Variants in ANKRD17 observed in about 807,000 individuals in gnomAD.
ANKRD17 encodes the protein ankyrin repeat domain 17.
Under a neutral mutation model 229.7 loss-of-function variants are expected in ANKRD17, and 19 were observed. That is an observed-to-expected ratio of 0.08 (90% CI 0.06 to 0.12). The LOEUF (loss-of-function observed/expected upper bound fraction) is 0.12. Among genes scored for constraint, ANKRD17 ranks in the 10% least tolerant of loss-of-function variants. The probability of loss-of-function intolerance (pLI) is 1.00; values close to 1 mark genes in which losing one functional copy is unlikely to be tolerated. For missense variants in ANKRD17, 2,176 were observed against 3,176.8 expected, an observed-to-expected ratio of 0.68 and a Z score of 7.57; for synonymous variants, 1,112 against 1,146.1, an observed-to-expected ratio of 0.97 and a Z score of 0.60.
chr4:73,191,755 A>T (rs1737138654), intron 1 of ANKRD17, among the ~76,000 whole-genome samples: 1 of 152,020 alleles, frequency 6.6e-6, no homozygotes, highest in Non-Finnish European at 1.5e-5. Flanking sequence ...TTTCACTGGG[A>T]ATCAGGCAAT....
chr4:73,079,033 A>T, intron 30 of ANKRD17, 143 bp from the exon 31 acceptor site: 1 of 1,060,084 alleles, frequency 9.4e-7, no homozygotes, highest in East Asian at 2.7e-5. Flanking sequence ...AAAATGATGC[A>T]TATTAAAATT....
intron 1 of ANKRD17, among the ~76,000 whole-genome samples, chr4:73,251,989 A>C (rs1334495765): frequency 1.3e-5 from 2 of 152,236 alleles, no homozygotes; most frequent in Non-Finnish European, 2.9e-5. Context: ...ATAATGGTTC[A>C]ATTAAAACAT....
intron 1 of ANKRD17, among the ~76,000 whole-genome samples, chr4:73,252,939 C>T (rs573808550): frequency 2.6e-5 from 4 of 152,076 alleles, no homozygotes; most frequent in South Asian, 4.2e-4. Context: ...CTTCAATGGC[C>T]GTCCAACTGC....
intron 24 of ANKRD17, among the ~76,000 whole-genome samples, chr4:73,111,262 G>C (rs12507846): frequency 0.36 from 54,167 of 152,032 alleles, 10,213 homozygotes; most frequent in South Asian, 0.46. Flanking sequence ...CAATATGCCA[G>C]TAACACTACT....
chr4:73,183,056 A>C (rs1195063631), intron 1 of ANKRD17, among the ~76,000 whole-genome samples: 1 of 152,218 alleles, frequency 6.6e-6, no homozygotes, highest in Non-Finnish European at 1.5e-5. Context: ...GAAAGTCTAA[A>C]ATGTGGAACA....
chr4:73,131,249 G>C (rs1022423431), intron 16 of ANKRD17, among the ~76,000 whole-genome samples: 4 of 152,164 alleles, frequency 2.6e-5, no homozygotes, highest in Non-Finnish European at 5.9e-5. Flanking sequence ...TTGTGTAGCA[G>C]AGAGTTGAAG....
chr4:73,212,124 G>T (rs192287174), intron 1 of ANKRD17, among the ~76,000 whole-genome samples: 122 of 152,012 alleles, frequency 8.0e-4, no homozygotes, highest in African/African-American at 2.9e-3. Flanking sequence ...CACTCCCAAG[G>T]TGTGGGTTGG....
intron 1 of ANKRD17, among the ~76,000 whole-genome samples, chr4:73,241,412 A>G (rs1254413476): frequency 6.6e-6 from 1 of 152,194 alleles, no homozygotes; most frequent in Non-Finnish European, 1.5e-5. Context: ...CTATACATAC[A>G]ATGGAATATT....
At chr4:73,127,685 T>C (rs1277476447) in intron 16 of ANKRD17, among the ~76,000 whole-genome samples, 1 of 152,194 alleles carries the variant, frequency 6.6e-6, no homozygotes, top group African/African-American at 2.4e-5. Flanking sequence ...GTAAAATGAA[T>C]GGCAATAGCT....
At chr4:73,218,070 T>C (rs1022809320) in intron 1 of ANKRD17, among the ~76,000 whole-genome samples, 6 of 152,330 alleles carry the variant, frequency 3.9e-5, no homozygotes, top group Admixed American at 2.6e-4. Context: ...CACACGCGTA[T>C]GCTGGTTTAT....
chr4:73,258,226 T>C, intron 1 of ANKRD17, 50 bp downstream of exon 1: 2 of 1,611,862 alleles, frequency 1.2e-6, no homozygotes, highest in Middle Eastern at 1.7e-4. Context: ...CTTCGGCCCC[T>C]ATCCCTTACA....
Position 73,091,090 on chromosome 4 carries a change from G to C in ANKRD17, c.6538C>G (p.Pro2180Ala), listed in dbSNP as rs1293806924. The change falls in exon 29 of 34, where the codon CCA (proline) becomes GCA (alanine). Residue 2180 changes from proline (P) to alanine (A), a missense_variant. Around this residue, in one of 18 missense-constraint regions of ANKRD17, gnomAD observed 424 missense variants for 454.0 expected, o/e 0.93. Transcript: ENST00000358602. ...GGGGCAGTTGTGCCATGAGGGGGTGGTCTAATAGCAGGGGTTTCCATTTTA... is the reference window on the plus strand; with the variant it reads ...GGGGCAGTTGTGCCATGAGGGGGTGCTCTAATAGCAGGGGTTTCCATTTTA... ...TPKMETPAIR[P>A]PPHGTTAPHK... is the part of the protein sequence containing the mutation. 2 of 1,614,042 alleles carry C rather than the reference G, an allele frequency of 1.2e-6. No individual in the cohort carries two copies. The highest frequency in any genetic ancestry group is 2.2e-5 in the East Asian group (1 of 44,896).
intron 16 of ANKRD17, among the ~76,000 whole-genome samples, chr4:73,126,897 T>G (rs748700045): frequency 1.4e-4 from 21 of 152,298 alleles, no homozygotes; most frequent in African/African-American, 4.6e-4. Flanking sequence ...CACGCCCAGC[T>G]AGATACCTTT....
At chr4:73,229,974 T>C (rs1030413741) in intron 1 of ANKRD17, among the ~76,000 whole-genome samples, 5 of 152,088 alleles carry the variant, frequency 3.3e-5, no homozygotes, top group African/African-American at 1.2e-4. Context: ...AAAAATCTAA[T>C]GTACAAGAAT....
At chr4:73,225,580 G>C (rs537569558) in intron 1 of ANKRD17, among the ~76,000 whole-genome samples, 1 of 152,084 alleles carries the variant, frequency 6.6e-6, no homozygotes, top group African/African-American at 2.4e-5. Flanking sequence ...TTGGCCAGGC[G>C]CGGTGGCTCA....
intron 2 of ANKRD17, among the ~76,000 whole-genome samples, chr4:73,172,008 T>G (rs1644330060): frequency 1.3e-5 from 2 of 152,000 alleles, no homozygotes; most frequent in South Asian, 4.1e-4. Context: ...GTTTATAAGG[T>G]AAAGGTATAG....
chr4:73,202,318 TAAAAAAAAAAAAAAAAAA>T (rs10533861), intron 1 of ANKRD17, among the ~76,000 whole-genome samples: 1 of 21,902 alleles, frequency 4.6e-5, no homozygotes, highest in Non-Finnish European at 7.6e-5. Flanking sequence ...GGAACAGGAT[TAAAAAAAAAAAAAAAAAA>T]AAAAAAAAAA....
At chr4:73,103,735 T>C (rs930717957) in intron 24 of ANKRD17, among the ~76,000 whole-genome samples, 1 of 152,104 alleles carries the variant, frequency 6.6e-6, no homozygotes, top group Non-Finnish European at 1.5e-5. Flanking sequence ...CAAACAATAT[T>C]TAGTTTTCAT....
intron 1 of ANKRD17, among the ~76,000 whole-genome samples, chr4:73,181,585 C>T (rs561632366): frequency 9.9e-5 from 15 of 152,188 alleles, no homozygotes; most frequent in Middle Eastern, 3.4e-3. Context: ...CACCTCTCTG[C>T]CATACCACAT....
Sources: allele counts gnomAD v4.1 joint callset (sites outside exome capture counted in the v4.1 genomes callset), GRCh38; gene constraint gnomAD v4.1.1; regional missense constraint gnomAD v4.1.1; transcripts MANE v1.5; gene names NCBI Gene and HGNC (gene_info 2026-07-23, HGNC 2026-07-21).